The following TAFA5 variants were observed in gnomAD, a reference collection of about 807,000 sequenced individuals.
TAFA5 encodes the protein TAFA chemokine like family member 5.
Under a neutral mutation model 15.3 loss-of-function variants are expected in TAFA5, and 6 were observed. The ratio of observed to expected loss-of-function variants is 0.39; its 90% confidence interval spans 0.21 to 0.77. The LOEUF (loss-of-function observed/expected upper bound fraction) is 0.77, where lower values mean the gene tolerates loss of function less well. Ranked by LOEUF, TAFA5 falls within the 30% of genes least tolerant of loss-of-function variation. TAFA5 has a pLI of 0.41. For missense variants in TAFA5, 161 were observed against 193.1 expected (o/e 0.83, Z 0.98); for synonymous variants, 103 against 80.7 (o/e 1.28, Z -1.48).
chr22:48,564,431 G>C (rs1923342925), intron 1 of TAFA5, among the ~76,000 whole-genome samples: 1 of 152,236 alleles, frequency 6.6e-6, no homozygotes, highest in Non-Finnish European at 1.5e-5. Context: ...GGGCCTGAAG[G>C]CTGCAGAGGC....
intron 2 of TAFA5, among the ~76,000 whole-genome samples, chr22:48,699,003 A>G (rs1456654513): frequency 1.4e-5 from 2 of 143,658 alleles, no homozygotes; most frequent in Admixed American, 7.3e-5. Flanking sequence ...GTGCAGTGGC[A>G]TGATCTCGGC....
chr22:48,640,415 A>G (rs567595204), intron 1 of TAFA5, among the ~76,000 whole-genome samples: 2 of 152,252 alleles, frequency 1.3e-5, no homozygotes, highest in South Asian at 4.1e-4. Context: ...CCCAGTGCAG[A>G]CACAGCCTGG....
chr22:48,499,544 G>A (rs1920941814), intron 1 of TAFA5, among the ~76,000 whole-genome samples: 1 of 152,158 alleles, frequency 6.6e-6, no homozygotes. Flanking sequence ...CCTGACTCTG[G>A]TCCCTGGTTC....
intron 1 of TAFA5, among the ~76,000 whole-genome samples, chr22:48,630,212 G>T (rs1324311409): frequency 1.3e-5 from 2 of 152,162 alleles, no homozygotes; most frequent in Admixed American, 6.5e-5. Context: ...TAAATAGGGG[G>T]CTCTGCTTGC....
At chr22:48,581,897 C>T (rs552011556) in intron 1 of TAFA5, among the ~76,000 whole-genome samples, 35 of 152,262 alleles carry the variant, frequency 2.3e-4, no homozygotes, top group African/African-American at 5.5e-4. Context: ...ACCTTATTTA[C>T]GCAGAGACAC....
At chr22:48,541,337 T>C (rs1047104375) in intron 1 of TAFA5, among the ~76,000 whole-genome samples, 5 of 152,088 alleles carry the variant, frequency 3.3e-5, no homozygotes, top group Admixed American at 2.6e-4. Flanking sequence ...TTTGTGCAGG[T>C]ACTTGGAGAC....
At chr22:48,548,899 T>G (rs1267534452) in intron 1 of TAFA5, among the ~76,000 whole-genome samples, 1 of 152,234 alleles carries the variant, frequency 6.6e-6, no homozygotes, top group Non-Finnish European at 1.5e-5. Context: ...CTAAAGTCAT[T>G]TGGTTTCACT....
At chr22:48,576,642 C>T in intron 1 of TAFA5, 1 of 1,282,120 alleles carries the variant, frequency 7.8e-7, no homozygotes, top group Non-Finnish European at 1.0e-6. Flanking sequence ...GGCGCCCGAC[C>T]CGGCTTCCAG....
chr22:48,530,041 G>A lies in TAFA5; in HGVS notation c.112+40337G>A, dbSNP rs960880209. ...CCCCCTGAGGACTGAGCTTGTGGCT[G>A]CAGAGGCCGTGGGCCCTCTGCTTTG... On this transcript the variant is annotated intron_variant, in intron 1 of 3. Coordinates refer to ENST00000402357, the MANE Select transcript of TAFA5 (RefSeq NM_001082967.3). The surrounding 1 kb of genome is among the most constrained non-coding windows in gnomAD (Gnocchi z 6.0). Among the ~76,000 whole-genome samples the A allele has an allele frequency of 4.6e-5, 7 of 152,278 alleles. No individual in the cohort carries two copies. The highest frequency in any genetic ancestry group is 3.4e-3 in the Middle Eastern group (1 of 294).
intron 1 of TAFA5, among the ~76,000 whole-genome samples, chr22:48,638,643 C>T (rs994238689): frequency 7.2e-6 from 1 of 139,192 alleles, no homozygotes; most frequent in Non-Finnish European, 1.6e-5. Context: ...AACAACCCCC[C>T]CCACACACTA....
chr22:48,518,842 T>C (rs949218280), intron 1 of TAFA5, among the ~76,000 whole-genome samples: 4 of 152,304 alleles, frequency 2.6e-5, no homozygotes, highest in Non-Finnish European at 4.4e-5. Flanking sequence ...TTTACACCCA[T>C]GTGGAAAAGG....
chr22:48,539,012 G>A (rs748754016), intron 1 of TAFA5: 29 of 193,876 alleles, frequency 1.5e-4, no homozygotes, highest in East Asian at 9.3e-4. Context: ...ATACATAGTC[G>A]TTTTTGTAAA....
chr22:48,727,028 AGG>A (rs1317439908), intron 3 of TAFA5, among the ~76,000 whole-genome samples: 1 of 152,188 alleles, frequency 6.6e-6, no homozygotes, highest in African/African-American at 2.4e-5. Context: ...TATTGCTATC[AGG>A]TACATTTATC....
At chr22:48,588,657 G>A (rs944613214) in intron 1 of TAFA5, among the ~76,000 whole-genome samples, 3 of 152,184 alleles carry the variant, frequency 2.0e-5, no homozygotes. Flanking sequence ...CTGCGGGGAT[G>A]GGGGCACGAT....
At chr22:48,531,679 G>C (rs1921978607) in intron 1 of TAFA5, among the ~76,000 whole-genome samples, 1 of 152,146 alleles carries the variant, frequency 6.6e-6, no homozygotes, top group African/African-American at 2.4e-5. Context: ...GCGCCCTCCT[G>C]CTGAGCTGTC....
In TAFA5 at chr22:48,571,557, G is replaced by C. The variant is rs77237393; in HGVS notation, c.113-75040G>C. ...CAAAGTGCTGGGATTACAGGCATGA[G>C]CCACTGTGCCTGGCCTGTTTTTTTT... is the stretch of plus-strand genomic sequence containing the variant. On this transcript the variant is annotated intron_variant, in intron 1 of 3. Coordinates refer to ENST00000402357, the MANE Select transcript of TAFA5 (RefSeq NM_001082967.3). Among the ~76,000 whole-genome samples, 1,706 of 126,924 alleles carry C rather than the reference G, an allele frequency of 0.013. 135 individuals are homozygous for C. The East Asian group carries it at 0.26, about 20-fold the overall frequency. The allele number at this position is 126,924 out of a possible 152,430, so 83.3% of individuals were successfully genotyped here.
intron 3 of TAFA5, among the ~76,000 whole-genome samples, chr22:48,712,367 C>T (rs1010365932): frequency 2.0e-5 from 3 of 152,208 alleles, no homozygotes; most frequent in African/African-American, 7.2e-5. Context: ...AAGATCACTG[C>T]TTTTGAAAGT....
intron 1 of TAFA5, among the ~76,000 whole-genome samples, chr22:48,578,861 AG>A (rs1385780310): frequency 1.3e-5 from 2 of 150,098 alleles, no homozygotes; most frequent in African/African-American, 2.4e-5. Context: ...AGGTGCAGGG[AG>A]GGGGGTGGCC....
intron 1 of TAFA5, among the ~76,000 whole-genome samples, chr22:48,585,499 A>G (rs1924316726): frequency 1.3e-5 from 2 of 151,396 alleles, no homozygotes; most frequent in African/African-American, 4.9e-5. Flanking sequence ...AATACACCAC[A>G]TACACCATAC....
Sources: gnomAD v4.1 joint callset for allele counts (sites outside exome capture counted in the v4.1 genomes callset) on GRCh38, gnomAD v4.1.1 for gene constraint, Gnocchi (gnomAD v3.1) non-coding constraint, MANE v1.5 for transcripts, NCBI Gene and HGNC (gene_info 2026-07-23, HGNC 2026-07-21) for gene names.